The following EML1 variants were observed in gnomAD, a reference collection of about 807,000 sequenced individuals.
EML1 encodes the protein EMAP like 1, also known as echinoderm microtubule-associated protein-like 1.
Under a neutral mutation model 110.4 loss-of-function variants are expected in EML1, and 27 were observed. That is an observed-to-expected ratio of 0.24 (90% confidence interval 0.18 to 0.34). The LOEUF (loss-of-function observed/expected upper bound fraction) is 0.34, where lower values mean the gene tolerates loss of function less well. Ranked by LOEUF, EML1 falls within the 10% of genes least tolerant of loss-of-function variation. The pLI, the probability that EML1 is intolerant of heterozygous loss-of-function variation, is 1.00. For synonymous variants in EML1, 344 were observed against 385.8 expected, an observed-to-expected ratio of 0.89 and a Z score of 1.27; for missense variants, 741 against 1,030.9, an observed-to-expected ratio of 0.72 and a Z score of 3.85.
intron 1 of EML1, among the ~76,000 whole-genome samples, chr14:99,840,032 TTGTA>T (rs34056975): frequency 0.34 from 52,136 of 151,948 alleles, 9,510 homozygotes; most frequent in South Asian, 0.49. Flanking sequence ...TACTGATTGC[TTGTA>T]TGTTTCTTTT....
chr14:99,819,382 A>G (rs1295102995), intron 1 of EML1, among the ~76,000 whole-genome samples: 1 of 152,228 alleles, frequency 6.6e-6, no homozygotes, highest in East Asian at 1.9e-4. Context: ...AATACCAATT[A>G]CAGTTTATAT....
intron 3 of EML1, among the ~76,000 whole-genome samples, chr14:99,873,260 A>G (rs2059234986): frequency 6.6e-6 from 1 of 152,230 alleles, no homozygotes; most frequent in Non-Finnish European, 1.5e-5. Flanking sequence ...TTATTTAAAA[A>G]ATGCTCTGTG....
rs56938339 is a variant in EML1, at chr14:99,865,137, G to A, written c.251-377G>A. Among the ~76,000 whole-genome samples the A allele has an allele frequency of 4.4e-3, 664 of 152,184 alleles. 6 individuals carry two copies. Among genetic ancestry groups the A allele is most frequent in the African/African-American group, 0.015 (617 of 41,528 alleles). On this transcript the variant is annotated intron_variant, in intron 2 of 21. Transcript: ENST00000262233. ...AAATAATTATACAGCTCACCATAAC[G>A]TAGAATCAGTGGCAGTCCTGAGCTT...
At chr14:99,880,056 C>T (rs1281653936) in intron 4 of EML1, among the ~76,000 whole-genome samples, 1 of 152,064 alleles carries the variant, frequency 6.6e-6, no homozygotes, top group African/African-American at 2.4e-5. Context: ...TGAGAAATGC[C>T]ACAGTAGGAA....
intron 5 of EML1, among the ~76,000 whole-genome samples, 175 bp downstream of exon 5, chr14:99,891,402 G>A (rs532616382): frequency 3.2e-4 from 49 of 152,270 alleles, no homozygotes; most frequent in Admixed American, 5.2e-4. Context: ...TAGTGACAGC[G>A]AGACTGCCTT....
At position 99,910,238 on chromosome 14, in the gene EML1, A is replaced by G. The variant is rs754852549; in HGVS notation, c.1240-4A>G. On this transcript the variant is annotated splice_polypyrimidine_tract_variant and splice_region_variant and intron_variant, in intron 11 of 21. Transcript: ENST00000262233. ...ATATATAATTTTTTTACTACATTCT[A>G]CAGAAACAAGAAAAGCCAAAGTTTG... 10 of 1,603,862 alleles carry G rather than the reference A, an allele frequency of 6.2e-6. No homozygotes were observed. In the South Asian group the frequency reaches 7.9e-5, roughly 13 times the overall value.
At chr14:99,747,802 G>A (rs140361304) in intron 1 of EML1, among the ~76,000 whole-genome samples, 1 of 152,204 alleles carries the variant, frequency 6.6e-6, no homozygotes, top group Non-Finnish European at 1.5e-5. Context: ...CGGGGACTTG[G>A]TGCTGCCCCA....
At chr14:99,878,676 C>A in intron 4 of EML1, 57 bp downstream of exon 4, 1 of 1,550,952 alleles carries the variant, frequency 6.4e-7, no homozygotes, top group Non-Finnish European at 8.7e-7. Context: ...ACGGCTTGTC[C>A]CCAGAGAGGA....
intron 1 of EML1, among the ~76,000 whole-genome samples, chr14:99,809,187 A>G (rs2058031513): frequency 6.6e-6 from 1 of 152,196 alleles, no homozygotes; most frequent in African/African-American, 2.4e-5. Flanking sequence ...TGCACCTTGA[A>G]AATTGTTATG....
Position 99,755,036 on chromosome 14 carries a change from C to T in EML1, c.28+17176C>T, listed in dbSNP as rs558147754. ...TGAGAAGGAGGCCCAGCATCCTACA[C>T]GGGGCAGGGAACAACAGGCCTTTGT... On this transcript the variant is annotated intron_variant, in intron 1 of 10. Transcript: ENST00000554479. Among the ~76,000 whole-genome samples the T allele has an allele frequency of 3.3e-5, 5 of 152,370 alleles. No homozygotes were observed. The South Asian group carries it at 6.2e-4, about 19-fold the overall frequency.
chr14:99,831,430 G>A (rs1471366532), intron 1 of EML1, among the ~76,000 whole-genome samples: 2 of 152,170 alleles, frequency 1.3e-5, no homozygotes, highest in East Asian at 3.9e-4. Flanking sequence ...GGGCCCACTG[G>A]CATCACTCCT....
At chr14:99,833,096 G>T (rs189507806) in intron 1 of EML1, among the ~76,000 whole-genome samples, 1 of 152,246 alleles carries the variant, frequency 6.6e-6, no homozygotes, top group African/African-American at 2.4e-5. Flanking sequence ...AGGTTATAAA[G>T]ATTTCCTCCT....
chr14:99,808,073 G>A (rs922587942), intron 1 of EML1, among the ~76,000 whole-genome samples: 1 of 152,066 alleles, frequency 6.6e-6, no homozygotes. Context: ...CATCTGTCCC[G>A]GATTACTTGG....
Position 99,844,758 on chromosome 14 carries a change from T to C in EML1, c.68-6095T>C, listed in dbSNP as rs189788040. Among the ~76,000 whole-genome samples, 354 of 152,336 alleles carry C rather than the reference T, an allele frequency of 2.3e-3. 6 individuals carry two copies. Among genetic ancestry groups the C allele is most frequent in the Admixed American group, 0.017 (266 of 15,300 alleles). ...ACAGTTTTGTCTTTGGAGAATGTCA[T>C]ATAAATGGAATAGTACAGGATGTAA... On this transcript the variant is annotated intron_variant, in intron 1 of 21. Transcript: ENST00000262233.
intron 13 of EML1, 36 bp from the exon 14 acceptor site, chr14:99,914,143 G>A (rs745355107): frequency 6.3e-7 from 1 of 1,588,484 alleles, no homozygotes; most frequent in East Asian, 2.3e-5. Context: ...GAATGAAATT[G>A]TACATCTTTT....
At chr14:99,817,294 A>G (rs1006762437) in intron 1 of EML1, among the ~76,000 whole-genome samples, 3 of 152,240 alleles carry the variant, frequency 2.0e-5, no homozygotes, top group Non-Finnish European at 1.5e-5. Context: ...GCTTGACTGC[A>G]CAGTGCTCAG....
At chr14:99,810,338 TAAG>T (rs533743691) in intron 1 of EML1, among the ~76,000 whole-genome samples, 142 of 152,334 alleles carry the variant, frequency 9.3e-4, no homozygotes, top group African/African-American at 3.3e-3. Flanking sequence ...GTATCTGCCA[TAAG>T]AAGACCTGTG....
rs372986443 is a variant in EML1, at chr14:99,874,916, G to A, written c.384-3569G>A. 6.9e-6 allele frequency: 11 copies of A among 1,605,074 alleles called. 1 individual carries two copies. The South Asian group carries it at 7.9e-5, about 12-fold the overall frequency. On this transcript the variant is annotated intron_variant, in intron 3 of 21. Transcript: ENST00000262233. ...CACATTTATTCTGCTTTATTTCTGT[G>A]CCTCTTATATGTAGATTAAACAGAT... is the stretch of plus-strand genomic sequence containing the variant.
At chr14:99,776,893 C>G (rs1302957930) in intron 1 of EML1, among the ~76,000 whole-genome samples, 1 of 152,180 alleles carries the variant, frequency 6.6e-6, no homozygotes, top group Non-Finnish European at 1.5e-5. Flanking sequence ...AACTTTAAAT[C>G]ATGAGCTTCA....
Sources: allele counts gnomAD v4.1 joint callset (sites outside exome capture counted in the v4.1 genomes callset), GRCh38; gene constraint gnomAD v4.1.1; transcripts MANE v1.5; gene names NCBI Gene and HGNC (gene_info 2026-07-23, HGNC 2026-07-21).